The following SNTG2 variants were observed in gnomAD, a reference collection of about 807,000 sequenced individuals.
The protein encoded by SNTG2 is gamma-2-syntrophin.
A neutral mutation model predicts 70.9 loss-of-function variants in SNTG2; 74 were observed. The observed-to-expected ratio is 1.04, with a 90% CI of 0.86 to 1.27. The LOEUF (loss-of-function observed/expected upper bound fraction) is 1.27. Among genes scored for constraint, SNTG2 ranks in the 50% most tolerant of loss-of-function variants. SNTG2 has a pLI of 0.00. For synonymous variants in SNTG2, 278 were observed against 273.8 expected (o/e 1.02, Z -0.15); for missense variants, 717 against 690.7 (o/e 1.04, Z -0.43).
At chr2:1,174,635 C>A (rs1311926153) in intron 8 of SNTG2, among the ~76,000 whole-genome samples, 1 of 152,156 alleles carries the variant, frequency 6.6e-6, no homozygotes, top group African/African-American at 2.4e-5. Flanking sequence ...AGTGGCTGTG[C>A]AGTTTATATT....
intron 1 of SNTG2, among the ~76,000 whole-genome samples, chr2:1,063,415 G>C (rs1662949589): frequency 6.6e-6 from 1 of 152,066 alleles, no homozygotes; most frequent in African/African-American, 2.4e-5. Context: ...CCTGGGAGTG[G>C]GGCAGCAGGG....
chr2:1,231,171 C>A (rs1049240782), intron 9 of SNTG2, among the ~76,000 whole-genome samples: 1 of 151,178 alleles, frequency 6.6e-6, no homozygotes, highest in African/African-American at 2.4e-5. Context: ...AATGACAGTG[C>A]CTCTTCCATA....
chr2:1,150,491 G>C (rs1669405817), intron 6 of SNTG2, among the ~76,000 whole-genome samples: 1 of 152,160 alleles, frequency 6.6e-6, no homozygotes, highest in Non-Finnish European at 1.5e-5. Context: ...CAGCCCAGAG[G>C]GTCTTCCCTG....
chr2:1,060,494 T>C (rs1193283298), intron 1 of SNTG2, among the ~76,000 whole-genome samples: 1 of 152,134 alleles, frequency 6.6e-6, no homozygotes, highest in Non-Finnish European at 1.5e-5. Flanking sequence ...GGCTTTGGAT[T>C]CTAAATGCCC....
intron 1 of SNTG2, among the ~76,000 whole-genome samples, chr2:1,020,820 A>G (rs1660124287): frequency 6.6e-6 from 1 of 152,158 alleles, no homozygotes; most frequent in African/African-American, 2.4e-5. Context: ...TCTGTTTTTA[A>G]CCATATGTAT....
chr2:980,489 C>T (rs1242369788), intron 1 of SNTG2, among the ~76,000 whole-genome samples: 4 of 152,188 alleles, frequency 2.6e-5, no homozygotes, highest in African/African-American at 9.7e-5. Flanking sequence ...TGGATGACAA[C>T]ATTCACGTTT....
intron 1 of SNTG2, among the ~76,000 whole-genome samples, chr2:953,356 C>G (rs1660039263): frequency 6.6e-6 from 1 of 152,352 alleles, no homozygotes; most frequent in African/African-American, 2.4e-5. Flanking sequence ...AATGACAACA[C>G]TTCTTCAGTC....
intron 8 of SNTG2, among the ~76,000 whole-genome samples, chr2:1,205,681 G>A (rs1305259993): frequency 1.3e-5 from 2 of 152,164 alleles, no homozygotes; most frequent in East Asian, 1.9e-4. Context: ...TGTGAACATC[G>A]CTGCCAGTAC....
intron 6 of SNTG2, among the ~76,000 whole-genome samples, chr2:1,141,130 A>G (rs1206180174): frequency 6.6e-6 from 1 of 152,224 alleles, no homozygotes; most frequent in Non-Finnish European, 1.5e-5. Context: ...TGGCTCTGAC[A>G]GTTTACTCAG....
At chr2:1,192,100 G>T (rs72768815) in intron 8 of SNTG2, among the ~76,000 whole-genome samples, 5,978 of 152,248 alleles carry the variant, frequency 0.039, 243 homozygotes, top group East Asian at 0.21. Context: ...CAGCAGCTCT[G>T]TTAAGAACCA....
intron 11 of SNTG2, 26 bp from the exon 12 acceptor site, chr2:1,247,301 G>T: frequency 1.5e-6 from 2 of 1,302,308 alleles, no homozygotes; most frequent in Non-Finnish European, 2.2e-6. Flanking sequence ...ATTAAGGCTT[G>T]GTTTGTAATT....
chr2:1,070,759 A>G (rs1028534534), intron 1 of SNTG2, among the ~76,000 whole-genome samples: 1 of 152,226 alleles, frequency 6.6e-6, no homozygotes, highest in Non-Finnish European at 1.5e-5. Context: ...TTGAGCCTCT[A>G]GTAACTGGAT....
intron 1 of SNTG2, among the ~76,000 whole-genome samples, chr2:1,069,862 A>C (rs984822231): frequency 1.3e-5 from 2 of 152,122 alleles, no homozygotes; most frequent in Admixed American, 6.5e-5. Context: ...TTGATAACTC[A>C]GCTCAAGAGA....
intron 14 of SNTG2, among the ~76,000 whole-genome samples, chr2:1,278,386 G>T (rs1395075017): frequency 6.6e-6 from 1 of 152,046 alleles, no homozygotes; most frequent in Admixed American, 6.5e-5. Context: ...TACTGCACCA[G>T]GTTGCTGTTT....
chr2:1,018,315 G>A (rs927341139), intron 1 of SNTG2, among the ~76,000 whole-genome samples: 6 of 152,182 alleles, frequency 3.9e-5, no homozygotes, highest in Non-Finnish European at 8.8e-5. Flanking sequence ...CTGAAGGCAC[G>A]TCGCTGGTGG....
At chr2:1,141,337 C>T (rs1668735787) in intron 6 of SNTG2, among the ~76,000 whole-genome samples, 1 of 152,196 alleles carries the variant, frequency 6.6e-6, no homozygotes, top group African/African-American at 2.4e-5. Flanking sequence ...TGCCGGAACA[C>T]AAAGTATGCT....
chr2:1,066,856 A>G (rs1049850037), intron 1 of SNTG2, among the ~76,000 whole-genome samples: 16 of 152,112 alleles, frequency 1.1e-4, no homozygotes, highest in Non-Finnish European at 2.1e-4. Context: ...TTGTAAGAGG[A>G]TCAGCTTCCA....
chr2:1,215,104 ATCT>A (rs1341212140), intron 9 of SNTG2, among the ~76,000 whole-genome samples: 1 of 152,180 alleles, frequency 6.6e-6, no homozygotes, highest in Non-Finnish European at 1.5e-5. Context: ...ATGGTGACTG[ATCT>A]TTTTAATGTG....
At chr2:1,243,040 A>G (rs1282341502) in intron 11 of SNTG2, among the ~76,000 whole-genome samples, 2 of 152,236 alleles carry the variant, frequency 1.3e-5, no homozygotes, top group African/African-American at 2.4e-5. Flanking sequence ...TTCAGAAAGC[A>G]TCCGATGTTT....
Sources: allele counts gnomAD v4.1 joint callset (sites outside exome capture counted in the v4.1 genomes callset), GRCh38; gene constraint gnomAD v4.1.1; transcripts MANE v1.5; gene names NCBI Gene and HGNC (gene_info 2026-07-23, HGNC 2026-07-21).